SCN1A: variants seen among roughly 807,000 people sequenced by gnomAD.
SCN1A encodes the protein sodium voltage-gated channel alpha subunit 1.
SCN1A carries 13 observed loss-of-function variants against 193.7 expected under a neutral mutation model. That is an observed-to-expected ratio of 0.07 (90% confidence interval 0.04 to 0.11). SCN1A has a LOEUF of 0.11. Among genes scored for constraint, SCN1A ranks in the 10% least tolerant of loss-of-function variants. The pLI is 1.00. For missense variants in SCN1A, 1,432 were observed against 2,451.1 expected (o/e 0.58, Z 8.78); for synonymous variants, 781 against 843.6 (o/e 0.93, Z 1.29).
chr2:166,062,684 A>G (rs1253968024), intron 4 of SCN1A, among the ~76,000 whole-genome samples: 1 of 152,142 alleles, frequency 6.6e-6, no homozygotes, highest in Non-Finnish European at 1.5e-5. Flanking sequence ...GGAAGAGTTC[A>G]AAGACTAGCT....
In SCN1A at chr2:165,989,193, A is replaced by T. The variant is rs1188098213; in HGVS notation, c.*2052T>A. The T allele has an allele frequency of 6.6e-6, 1 of 152,564 alleles. No individual in the cohort carries two copies. The highest frequency in any genetic ancestry group is 1.5e-5 in the Non-Finnish European group (1 of 68,020). 9.5% of individuals were successfully genotyped at this position (152,564 alleles called of 1,614,324 possible). On this transcript the variant is annotated 3_prime_UTR_variant, in exon 29 of 29. Coordinates refer to ENST00000674923, the MANE Select transcript of SCN1A (RefSeq NM_001165963.4). ...AAAATGTAATCTTTATTAGTTTTGC[A>T]CATTTTAAATGTTGGTTAGCATTAT... is the stretch of plus-strand genomic sequence containing the variant.
intron 19 of SCN1A, among the ~76,000 whole-genome samples, chr2:166,019,642 T>G (rs1290191567): frequency 6.6e-6 from 1 of 152,152 alleles, no homozygotes; most frequent in Non-Finnish European, 1.5e-5. Context: ...GAAATTTCTG[T>G]TTATTCTTGT....
At chr2:166,029,548 A>G (rs1695270603) in intron 19 of SCN1A, among the ~76,000 whole-genome samples, 1 of 152,176 alleles carries the variant, frequency 6.6e-6, no homozygotes, top group Admixed American at 6.5e-5. Flanking sequence ...TCCTTAACCC[A>G]TATAACGTAA....
chr2:166,083,713 G>T (rs8191986), intron 2 of SCN1A, among the ~76,000 whole-genome samples: 2 of 151,976 alleles, frequency 1.3e-5, no homozygotes, highest in African/African-American at 4.8e-5. Context: ...TAAGACCATG[G>T]ATAGTTCACA....
At chr2:166,062,830 G>T in intron 4 of SCN1A, among the ~76,000 whole-genome samples, 1 of 150,182 alleles carries the variant, frequency 6.7e-6, no homozygotes, top group Non-Finnish European at 1.5e-5. Flanking sequence ...TTATAGTGAA[G>T]TATCTTAGCA....
chr2:166,143,222 G>T (rs12053364), intron 1 of SCN1A, among the ~76,000 whole-genome samples: 1 of 144,958 alleles, frequency 6.9e-6, no homozygotes, highest in East Asian at 2.0e-4. Context: ...GCTGGAGTGC[G>T]GTGGCAGGAT....
chr2:166,008,910 G>A (rs752422323), intron 23 of SCN1A, among the ~76,000 whole-genome samples: 20 of 150,530 alleles, frequency 1.3e-4, no homozygotes, highest in South Asian at 4.2e-4. Context: ...GCTTCATGCC[G>A]TAAAAAAAGG....
chr2:166,114,437 G>C (rs778926627), intron 2 of SCN1A, among the ~76,000 whole-genome samples: 9 of 152,232 alleles, frequency 5.9e-5, no homozygotes, highest in Non-Finnish European at 1.0e-4. Flanking sequence ...AAAAGAAAGA[G>C]AACAAGCCCA....
chr2:166,144,440 T>C (rs1692221087), intron 1 of SCN1A, among the ~76,000 whole-genome samples: 3 of 152,208 alleles, frequency 2.0e-5, no homozygotes, highest in Admixed American at 6.5e-5. Context: ...TGGAGTTTTT[T>C]GAGGGCACTA....
chr2:166,030,667 C>G (rs140459083), intron 19 of SCN1A, among the ~76,000 whole-genome samples: 1 of 151,958 alleles, frequency 6.6e-6, no homozygotes, highest in Admixed American at 6.6e-5. Context: ...GGACAGATAT[C>G]TCATTTAATA....
intron 28 of SCN1A, chr2:165,993,192 T>TGTGTGTGTGTGTGTGA: frequency 7.2e-6 from 1 of 138,936 alleles, no homozygotes; most frequent in Non-Finnish European, 1.5e-5. Context: ...TGTGTGTGTG[T>TGTGTGTGTGTGTGTGA]GTGTGTGTGT....
intron 2 of SCN1A, among the ~76,000 whole-genome samples, chr2:166,096,271 G>T (rs182580384): frequency 6.6e-6 from 1 of 152,098 alleles, no homozygotes; most frequent in Non-Finnish European, 1.5e-5. Context: ...GGAAATCAGG[G>T]ATGAAAAATC....
At chr2:166,129,114 T>C (rs1691526889), upstream of SCN1A, among the ~76,000 whole-genome samples, 1 of 152,154 alleles carries the variant, frequency 6.6e-6, no homozygotes, top group African/African-American at 2.4e-5. Flanking sequence ...TATTACAGGA[T>C]GGTGAGATAA....
intron 9 of SCN1A, among the ~76,000 whole-genome samples, chr2:166,051,039 G>A (rs1001284423): frequency 1.3e-5 from 2 of 151,886 alleles, no homozygotes; most frequent in African/African-American, 2.4e-5. Context: ...GCATAGTATT[G>A]TAGAATTCGC....
Position 166,050,630 on chromosome 2 carries a change from T to TAC in SCN1A, c.964+1088_964+1089insGT, listed in dbSNP as rs1240887505. ...TAAAAAAAGTATATATATATATATA[T>TAC]ATATATATGTGTGTATATATTTTTT... On this transcript the variant is annotated intron_variant, in intron 9 of 28. Coordinates refer to ENST00000674923, the MANE Select transcript of SCN1A (RefSeq NM_001165963.4). 3.7e-5 allele frequency among the ~76,000 whole-genome samples: 3 copies of TAC among 80,586 alleles called. No homozygotes were observed. In the East Asian group the frequency reaches 1.5e-3, roughly 42 times the overall value. 52.9% of individuals were successfully genotyped at this position (80,586 alleles called of 152,430 possible). A position where few individuals can be genotyped will look rare whatever the true frequency, so the allele number is the denominator to read the frequency against.
chr2:166,037,628 A>G lies in SCN1A; in HGVS notation c.2946+148T>C, dbSNP rs566250677. ...TAATCATAGTTTGTTTTTCTTTTTG[A>G]CAAAACAGTCACCATTAAATTATAC... On this transcript the variant is annotated intron_variant, in intron 18 of 28. Transcript: ENST00000674923. 68 of 756,950 alleles carry G rather than the reference A, an allele frequency of 9.0e-5. No individual in the cohort carries two copies. In the African/African-American group the frequency reaches 1.1e-3, roughly 12 times the overall value. The allele number at this position is 756,950 out of a possible 1,614,324, so 46.9% of individuals were successfully genotyped here.
chr2:166,062,516 ACAG>A (rs934663598), intron 4 of SCN1A, among the ~76,000 whole-genome samples: 1 of 152,142 alleles, frequency 6.6e-6, no homozygotes, highest in African/African-American at 2.4e-5. Context: ...ACTCTCAGAT[ACAG>A]CTTTCTCCCA....
chr2:166,139,567 GT>G (rs1691999337), intron 1 of SCN1A, among the ~76,000 whole-genome samples: 1 of 152,160 alleles, frequency 6.6e-6, no homozygotes, highest in Admixed American at 6.5e-5. Flanking sequence ...GGAACTATGA[GT>G]TCAAGAAACT....
In SCN1A at chr2:166,007,306, G is replaced by T. The variant is rs979473909; in HGVS notation, c.4002+2413C>A. ...GAGCAAGATTATCCTATACAAAATA[G>T]AAATATATAGTTTGTTATTAGTTAG... On this transcript the variant is annotated intron_variant, in intron 23 of 28. Coordinates refer to ENST00000674923, the MANE Select transcript of SCN1A (RefSeq NM_001165963.4). 4.0e-5 allele frequency: 6 copies of T among 151,064 alleles called. No individual in the cohort carries two copies. Among genetic ancestry groups the T allele is most frequent in the African/African-American group, 1.5e-4 (6 of 41,274 alleles). 9.4% of individuals were successfully genotyped at this position (151,064 alleles called of 1,614,324 possible). A position where few individuals can be genotyped will look rare whatever the true frequency, so the allele number is the denominator to read the frequency against.
Sources: gnomAD v4.1 joint callset for allele counts (sites outside exome capture counted in the v4.1 genomes callset) on GRCh38, gnomAD v4.1.1 for gene constraint, MANE v1.5 for transcripts, NCBI Gene and HGNC (gene_info 2026-07-23, HGNC 2026-07-21) for gene names.